TPRKB: variants seen among roughly 807,000 people sequenced by gnomAD.
TPRKB encodes TP53RK binding protein, also known as EKC/KEOPS complex subunit TPRKB.
Under a neutral mutation model 17.8 loss-of-function variants are expected in TPRKB, and 11 were observed. That is an observed-to-expected ratio of 0.62 (90% confidence interval 0.39 to 1.02). The LOEUF (loss-of-function observed/expected upper bound fraction) is 1.02, where lower values mean the gene tolerates loss of function less well. Ranked by LOEUF, TPRKB falls within the 50% of genes least tolerant of loss-of-function variation. TPRKB has a pLI of 0.00. For missense variants in TPRKB, 228 were observed against 198.0 expected (o/e 1.15, Z -0.91); for synonymous variants, 71 against 69.5 (o/e 1.02, Z -0.11).
At chr2:73,730,145 TAACA>T (rs1671531157) in intron 4 of TPRKB, 116 bp from the exon 5 acceptor site, 4 of 1,207,478 alleles carry the variant, frequency 3.3e-6, no homozygotes, top group Non-Finnish European at 4.5e-6. Context: ...GTTCATGGTA[TAACA>T]AACAACAAAT....
chr2:73,733,246 G>GGTTT (rs1671711614), intron 2 of TPRKB, among the ~76,000 whole-genome samples: 1 of 119,378 alleles, frequency 8.4e-6, no homozygotes, highest in Non-Finnish European at 1.7e-5. Flanking sequence ...CGTGTGCCCT[G>GGTTT]TTTTTTTGTT....
At chr2:73,735,224 C>T (rs1671823955) in intron 1 of TPRKB, among the ~76,000 whole-genome samples, 1 of 151,912 alleles carries the variant, frequency 6.6e-6, no homozygotes, top group Non-Finnish European at 1.5e-5. Flanking sequence ...CCCAGCTACT[C>T]AGGAGGCTGA....
At chr2:73,733,236 C>T (rs1223839428) in intron 2 of TPRKB, among the ~76,000 whole-genome samples, 4 of 141,098 alleles carry the variant, frequency 2.8e-5, no homozygotes, top group Admixed American at 7.3e-5. Flanking sequence ...GATCGCACTG[C>T]GTGTGCCCTG....
At chr2:73,730,464 G>T in intron 4 of TPRKB, 96 bp downstream of exon 4, 2 of 835,204 alleles carry the variant, frequency 2.4e-6, no homozygotes, top group Non-Finnish European at 3.6e-6. Context: ...TTTCTCAAAA[G>T]TTCAAAAAAC....
At chr2:73,731,775 GAA>G (rs1263866574) in intron 3 of TPRKB, 1 of 164,730 alleles carries the variant, frequency 6.1e-6, no homozygotes, top group Non-Finnish European at 1.3e-5. Context: ...CCTGGTATAT[GAA>G]AAAGACATGG....
chr2:73,734,224 G>A (rs376605234), intron 2 of TPRKB, among the ~76,000 whole-genome samples: 16 of 150,776 alleles, frequency 1.1e-4, no homozygotes, highest in Non-Finnish European at 1.9e-4. Flanking sequence ...TCAGCCTCCC[G>A]AGTAGCTGGG....
intron 1 of TPRKB, among the ~76,000 whole-genome samples, chr2:73,736,060 T>A (rs933756093): frequency 1.3e-5 from 2 of 152,194 alleles, no homozygotes; most frequent in African/African-American, 2.4e-5. Context: ...GTGGGTTTTT[T>A]AAAAGGCTTT....
intron 2 of TPRKB, among the ~76,000 whole-genome samples, chr2:73,733,219 G>C (rs544850099): frequency 6.7e-6 from 1 of 148,824 alleles, no homozygotes; most frequent in African/African-American, 2.5e-5. Context: ...TTAATTCCCG[G>C]TAACATGATC....
At position 73,730,596 on chromosome 2, in the gene TPRKB, A is replaced by AT. The variant is rs746292312; in HGVS notation, c.404dup (p.Asn135LysfsTer4). ...CTGTAATATTCATTATTTCAGGAAG[A>AT]TTTTTCAGAGAAACCTGATGACCTT... On this transcript the variant is annotated frameshift_variant, in exon 4 of 5. Transcript: ENST00000272424. LOFTEE classifies it high-confidence loss of function. The AT allele has an allele frequency of 1.9e-6, 3 of 1,589,662 alleles. No homozygotes were observed. The highest frequency in any genetic ancestry group is 3.7e-5 in the Admixed American group (2 of 53,410).
intron 2 of TPRKB, 21 bp downstream of exon 2, chr2:73,734,408 A>G (rs539381207): frequency 2.5e-6 from 4 of 1,602,948 alleles, no homozygotes; most frequent in East Asian, 2.2e-5. Flanking sequence ...AGGCTCATTC[A>G]TTCTTAAAAT....
chr2:73,731,161 A>C (rs1400499420), intron 3 of TPRKB: 1 of 154,446 alleles, frequency 6.5e-6, no homozygotes, highest in East Asian at 1.9e-4. Flanking sequence ...CACATGCTTC[A>C]GGGTCCACAG....
chr2:73,732,263 A>T lies in TPRKB; in HGVS notation c.164T>A (p.Leu55His). 6.2e-7 allele frequency: 1 copy of T among 1,614,022 alleles called. No homozygotes were observed. The highest frequency in any genetic ancestry group is 8.5e-7 in the Non-Finnish European group (1 of 1,179,978). Reference protein sequence around the residue: ...PTVIVDPFQILVAANKAVHLY... With the variant: ...PTVIVDPFQIHVAANKAVHLY... ...GTGAACTGCTTTGTTTGCTGCCACA[A>T]GTATCTGAAATGGATCAACAATCTA... The change falls in exon 3 of 5, where the codon CTT becomes CAT. Residue 55 changes from leucine to histidine, a missense_variant. Coordinates refer to ENST00000272424, the MANE Select transcript of TPRKB (RefSeq NM_016058.5).
intron 2 of TPRKB, 73 bp from the exon 3 acceptor site, chr2:73,732,358 G>C: frequency 6.8e-7 from 1 of 1,480,178 alleles, no homozygotes; most frequent in East Asian, 2.3e-5. Context: ...GGTAACTCAT[G>C]GTTAACTCCA....
rs763528034 is a variant in TPRKB at position 73,734,598 on chromosome 2, A to G, written c.-22-7T>C. 1.3e-5 allele frequency: 21 copies of G among 1,559,908 alleles called. No individual in the cohort carries two copies. The South Asian group carries it at 2.4e-4, about 18-fold the overall frequency. ...ACAGATAAGCAGGATTCTACTGCACACAAAATGAAAAGACCAAAAGATTTC... is the reference window on the plus strand; with the variant it reads ...ACAGATAAGCAGGATTCTACTGCACGCAAAATGAAAAGACCAAAAGATTTC... On this transcript the variant is annotated splice_region_variant and splice_polypyrimidine_tract_variant and intron_variant, in intron 1 of 4. Transcript: ENST00000272424.
intron 2 of TPRKB, among the ~76,000 whole-genome samples, chr2:73,733,249 TTTTTG>T (rs1332699927): frequency 5.6e-5 from 8 of 143,082 alleles, no homozygotes; most frequent in Non-Finnish European, 9.2e-5. Context: ...GTGCCCTGTT[TTTTTG>T]TTTTTTTTTT....
At chr2:73,730,523 T>C (rs1485269762) in intron 4 of TPRKB, 37 bp downstream of exon 4, 1 of 1,443,828 alleles carries the variant, frequency 6.9e-7, no homozygotes, top group Non-Finnish European at 9.4e-7. Context: ...TTATTGCTCA[T>C]CTATCACACT....
intron 3 of TPRKB, 108 bp downstream of exon 3, chr2:73,732,055 G>C (rs761432445): frequency 1.3e-4 from 152 of 1,208,936 alleles, no homozygotes; most frequent in Non-Finnish European, 1.7e-4. Context: ...ACTATTATTT[G>C]GGTTTATTAC....
In TPRKB at chr2:73,730,647, A is replaced by G. The variant is rs1356673016; in HGVS notation, c.354T>C (p.Asn118=). The part of the protein sequence containing the change: ...VYIEEGEKQI[N]QEYLISQVEG... ...CTACTTGAGATATTAGGTATTCTTG[A>G]TTTATTTGTTTTTCTCCCTCTTCAA... The change falls in exon 4 of 5, where the codon AAT becomes AAC. Residue 118 remains asparagine, a synonymous_variant. Coordinates refer to ENST00000272424, the MANE Select transcript of TPRKB (RefSeq NM_016058.5). 6.3e-7 allele frequency: 1 copy of G among 1,592,062 alleles called. No individual in the cohort carries two copies. The highest frequency in any genetic ancestry group is 1.4e-5 in the African/African-American group (1 of 73,466).
chr2:73,733,117 C>T (rs550492128), intron 2 of TPRKB, among the ~76,000 whole-genome samples: 2 of 152,112 alleles, frequency 1.3e-5, no homozygotes, highest in Non-Finnish European at 2.9e-5. Context: ...AGTTAGTATA[C>T]GTAAAGCACT....
Sources: allele counts gnomAD v4.1 joint callset (sites outside exome capture counted in the v4.1 genomes callset), GRCh38; gene constraint gnomAD v4.1.1; transcripts MANE v1.5; gene names NCBI Gene and HGNC (gene_info 2026-07-23, HGNC 2026-07-21).